Variants in RYR2 observed in about 807,000 individuals in gnomAD.
The protein encoded by RYR2 is cardiac muscle ryanodine receptor-calcium release channel.
In RYR2, 227 loss-of-function variants were observed where a neutral mutation model predicts 601.1. The ratio of observed to expected loss-of-function variants is 0.38; its 90% CI spans 0.34 to 0.42. The LOEUF is 0.42. RYR2 is among the 10% of genes least tolerant of loss of function. The pLI is 1.00. For synonymous variants in RYR2, 2,223 were observed against 2,175.1 expected (o/e 1.02, Z -0.61); for missense variants, 4,646 against 6,156.5 (o/e 0.75, Z 8.21).
intron 1 of RYR2, among the ~76,000 whole-genome samples, chr1:237,239,357 G>A (rs762103941): frequency 2.0e-5 from 3 of 152,138 alleles, no homozygotes; most frequent in Non-Finnish European, 4.4e-5. Flanking sequence ...GGGCTTCCAA[G>A]TGGGTCTTCT....
chr1:237,525,872 T>C (rs1667528628), intron 24 of RYR2, among the ~76,000 whole-genome samples: 1 of 151,874 alleles, frequency 6.6e-6, no homozygotes, highest in Non-Finnish European at 1.5e-5. Flanking sequence ...CTCAGCTACT[T>C]TGGAGACTGG....
intron 75 of RYR2, among the ~76,000 whole-genome samples, chr1:237,726,630 T>C (rs1690219384): frequency 6.6e-6 from 1 of 152,126 alleles, no homozygotes; most frequent in African/African-American, 2.4e-5. Context: ...TTGTGTTTAT[T>C]ACTTTAGCTC....
At chr1:237,583,263 T>C (rs1674140242) in intron 29 of RYR2, among the ~76,000 whole-genome samples, 1 of 152,152 alleles carries the variant, frequency 6.6e-6, no homozygotes. Context: ...GCCCATTTTT[T>C]AAATGGGGGT....
Position 237,530,486 on chromosome 1 carries a change from T to G in RYR2, c.2882T>G (p.Val961Gly). ...GISDEHAEDK[V>G]KKMKLPKNYQ... ...TCAGATGAACATGCTGAAGACAAGG[T>G]GAAAAAAATGAAGCTACCCAAGAAG... Residue 961 changes from valine to glycine, a missense_variant, in exon 25 of 105, where the codon GTG (valine) becomes GGG (glycine). By Grantham distance (109) the Val-to-Gly change is moderately radical. Coordinates refer to ENST00000366574, the MANE Select transcript of RYR2 (RefSeq NM_001035.3). 5.0e-6 allele frequency: 8 copies of G among 1,605,558 alleles called. No individual in the cohort carries two copies. Among genetic ancestry groups the G allele is most frequent in the Non-Finnish European group, 6.0e-6 (7 of 1,175,788 alleles).
Position 237,508,742 on chromosome 1 carries a change from T to C in RYR2, c.2718+1928T>C, listed in dbSNP as rs961593394. ...GACACTCTTCGGGTTTTCTTTTTTT[T>C]TTTTTTTTTTTTTTTTTTGAGACGG... On this transcript the variant is annotated intron_variant, in intron 23 of 104. Transcript: ENST00000366574. Among the ~76,000 whole-genome samples, 1,174 of 131,486 alleles carry C rather than the reference T, an allele frequency of 8.9e-3. 20 individuals are homozygous for C. Among genetic ancestry groups the C allele is most frequent in the African/African-American group, 0.03 (1,033 of 34,636 alleles). The allele number at this position is 131,486 out of a possible 152,430, so 86.3% of individuals were successfully genotyped here.
intron 40 of RYR2, among the ~76,000 whole-genome samples, chr1:237,627,359 A>G (rs1417513520): frequency 2.0e-5 from 3 of 152,242 alleles, no homozygotes; most frequent in East Asian, 1.9e-4. Context: ...AAATGACTCA[A>G]CTGAGGAGAC....
chr1:237,572,897 A>G (rs1672844602), intron 29 of RYR2, among the ~76,000 whole-genome samples: 2 of 152,280 alleles, frequency 1.3e-5, no homozygotes, highest in East Asian at 1.9e-4. Context: ...TTCCCAAAAA[A>G]GCTCCTTAAT....
At chr1:237,125,863 G>T (rs910113370) in intron 1 of RYR2, among the ~76,000 whole-genome samples, 2 of 152,154 alleles carry the variant, frequency 1.3e-5, no homozygotes, top group African/African-American at 4.8e-5. Context: ...AGTAAGTGTT[G>T]GCAAAGACAT....
chr1:237,754,589 G>A (rs1313369437), intron 80 of RYR2, among the ~76,000 whole-genome samples: 1 of 152,102 alleles, frequency 6.6e-6, no homozygotes, highest in African/African-American at 2.4e-5. Flanking sequence ...ACAGTTTCAT[G>A]AGCGAATAAT....
Position 237,331,512 on chromosome 1 carries a change from CT to C in RYR2, c.273+538del, listed in dbSNP as rs1460724250. ...CTCTGAAAATTGAAATTTTTCTTTT[CT>C]TTTTTTTGAGATGGAGTCTGGCTCT... On this transcript the variant is annotated intron_variant, in intron 3 of 104. Coordinates refer to ENST00000366574, the MANE Select transcript of RYR2 (RefSeq NM_001035.3). 2.7e-5 allele frequency among the ~76,000 whole-genome samples: 4 copies of C among 150,652 alleles called. No individual in the cohort carries two copies. In the South Asian group the frequency reaches 8.3e-4, roughly 31 times the overall value.
intron 99 of RYR2, 128 bp from the exon 100 acceptor site, chr1:237,808,773 T>G: frequency 1.4e-6 from 1 of 739,750 alleles, no homozygotes; most frequent in Non-Finnish European, 2.3e-6. Flanking sequence ...AAATAAGTTA[T>G]GGATCCCATT....
At chr1:237,647,775 T>C (rs953759245) in intron 48 of RYR2, among the ~76,000 whole-genome samples, 2 of 152,222 alleles carry the variant, frequency 1.3e-5, no homozygotes, top group Admixed American at 6.5e-5. Context: ...CTTCAGTATT[T>C]GAAATTGGCA....
intron 100 of RYR2, among the ~76,000 whole-genome samples, chr1:237,812,900 T>G (rs941430830): frequency 4.6e-4 from 70 of 151,494 alleles, no homozygotes; most frequent in African/African-American, 7.0e-4. Context: ...ATAAGTTTTT[T>G]TTTTTTTTTT....
At chr1:237,441,575 ACC>A in intron 13 of RYR2, 92 bp downstream of exon 13, 1 of 1,243,690 alleles carries the variant, frequency 8.0e-7, no homozygotes, top group Non-Finnish European at 1.1e-6. Flanking sequence ...CTTTTTAGTC[ACC>A]TGCAAAAGTT....
intron 10 of RYR2, among the ~76,000 whole-genome samples, chr1:237,392,484 A>T (rs1381907457): frequency 6.6e-6 from 1 of 152,126 alleles, no homozygotes. Context: ...ATAAAAACTT[A>T]AATAGGCTTT....
chr1:237,629,066 T>C (rs939536362), intron 41 of RYR2, among the ~76,000 whole-genome samples: 3 of 152,166 alleles, frequency 2.0e-5, no homozygotes, highest in Admixed American at 1.3e-4. Flanking sequence ...TTATGCTAAA[T>C]GTTAATATAT....
intron 1 of RYR2, among the ~76,000 whole-genome samples, chr1:237,225,855 G>C (rs946546508): frequency 1.3e-5 from 2 of 152,070 alleles, no homozygotes; most frequent in Non-Finnish European, 2.9e-5. Context: ...AGGAGTTTGA[G>C]ACCAGCCTGG....
At chr1:237,405,289 T>C (rs542485494) in intron 10 of RYR2, among the ~76,000 whole-genome samples, 29 of 152,272 alleles carry the variant, frequency 1.9e-4, no homozygotes, top group African/African-American at 6.3e-4. Flanking sequence ...AAGAGTGGTA[T>C]CCTGGAGTCA....
intron 10 of RYR2, among the ~76,000 whole-genome samples, chr1:237,409,662 G>T (rs917887674): frequency 2.6e-5 from 4 of 151,992 alleles, no homozygotes; most frequent in Admixed American, 6.6e-5. Flanking sequence ...GAATTCTGTG[G>T]TATATCACAG....
Sources: allele counts gnomAD v4.1 joint callset (sites outside exome capture counted in the v4.1 genomes callset), GRCh38; gene constraint gnomAD v4.1.1; transcripts MANE v1.5; gene names NCBI Gene and HGNC (gene_info 2026-07-23, HGNC 2026-07-21).